The following SEMA5A variants were observed in gnomAD, a reference collection of about 807,000 sequenced individuals.
SEMA5A encodes the protein semaphorin 5A.
In SEMA5A, 55 loss-of-function variants were observed where a neutral mutation model predicts 135.5. The observed-to-expected ratio is 0.41, with a 90% confidence interval of 0.33 to 0.51. The LOEUF is 0.51. Ranked by LOEUF, SEMA5A falls within the 20% of genes least tolerant of loss-of-function variation. The pLI, the probability that SEMA5A is intolerant of heterozygous loss-of-function variation, is 0.37. For missense variants in SEMA5A, 1,290 were observed against 1,419.9 expected, an observed-to-expected ratio of 0.91 and a Z score of 1.47; for synonymous variants, 580 against 546.5, an observed-to-expected ratio of 1.06 and a Z score of -0.85.
intron 11 of SEMA5A, among the ~76,000 whole-genome samples, chr5:9,187,864 G>A (rs552725509): frequency 1.3e-5 from 2 of 152,346 alleles, no homozygotes; most frequent in Admixed American, 1.3e-4. Flanking sequence ...TGAGTCCTGA[G>A]CTACTCTCAA....
chr5:9,456,487 A>AG (rs397748603), intron 1 of SEMA5A, among the ~76,000 whole-genome samples: 31 of 147,786 alleles, frequency 2.1e-4, no homozygotes, highest in Non-Finnish European at 4.3e-4. Flanking sequence ...GTAGAAAAAA[A>AG]GGAAGGCTTC....
intron 2 of SEMA5A, among the ~76,000 whole-genome samples, chr5:9,381,942 T>TTGTGTGTGTGTG (rs148157627): frequency 0.12 from 12,845 of 108,276 alleles, 845 homozygotes; most frequent in Non-Finnish European, 0.15. Context: ...TAGAATCATT[T>TTGTGTGTGTGTG]TGTGTGTGTG....
intron 2 of SEMA5A, among the ~76,000 whole-genome samples, chr5:9,380,870 A>G (rs1359957748): frequency 6.6e-6 from 1 of 152,222 alleles, no homozygotes; most frequent in Non-Finnish European, 1.5e-5. Context: ...AGGGGCTCAA[A>G]TCTGAGTGTA....
At chr5:9,390,320 G>A (rs989726438) in intron 2 of SEMA5A, among the ~76,000 whole-genome samples, 1 of 152,176 alleles carries the variant, frequency 6.6e-6, no homozygotes, top group Non-Finnish European at 1.5e-5. Flanking sequence ...ATCACCAAAT[G>A]TATGAACCCT....
chr5:9,353,857 A>G (rs902881853), intron 3 of SEMA5A, among the ~76,000 whole-genome samples: 5 of 152,090 alleles, frequency 3.3e-5, no homozygotes, highest in Admixed American at 3.3e-4. Flanking sequence ...CCTATTAGTT[A>G]ATATTATCTA....
chr5:9,114,469 G>T (rs891610544), intron 15 of SEMA5A, among the ~76,000 whole-genome samples: 7 of 152,082 alleles, frequency 4.6e-5, no homozygotes, highest in African/African-American at 1.4e-4. Flanking sequence ...TTTTTTTTGT[G>T]TGTGTGTGTG....
intron 16 of SEMA5A, among the ~76,000 whole-genome samples, chr5:9,086,060 T>C (rs1738666943): frequency 6.6e-6 from 1 of 152,202 alleles, no homozygotes; most frequent in Non-Finnish European, 1.5e-5. Flanking sequence ...ATTTCTCCCA[T>C]TTGGAATGGC....
rs1259435155 is a variant in SEMA5A, at chr5:9,514,595, C to T, written c.-175+30989G>A. Among the ~76,000 whole-genome samples the T allele has an allele frequency of 5.9e-5, 9 of 152,198 alleles. 1 individual carries two copies. Among genetic ancestry groups the T allele is most frequent in the Non-Finnish European group, 4.4e-5 (3 of 68,036 alleles). ...TGTACTTTAAATTATCTCTAGATTA[C>T]TTACAATCCCTAATACAATATAAAT... On this transcript the variant is annotated intron_variant, in intron 1 of 22. Transcript: ENST00000382496.
chr5:9,182,724 C>T (rs903665253), intron 11 of SEMA5A, among the ~76,000 whole-genome samples: 9 of 151,194 alleles, frequency 6.0e-5, no homozygotes, highest in South Asian at 4.2e-4. Flanking sequence ...AGAATGCCTG[C>T]TTATTTTTAT....
At chr5:9,043,521 A>G (rs886434416) in intron 22 of SEMA5A, among the ~76,000 whole-genome samples, 2 of 152,206 alleles carry the variant, frequency 1.3e-5, no homozygotes, top group African/African-American at 4.8e-5. Context: ...ACTTATTAGA[A>G]GGTGATCACT....
chr5:9,200,447 T>C (rs376607711), intron 9 of SEMA5A, among the ~76,000 whole-genome samples: 1 of 152,242 alleles, frequency 6.6e-6, no homozygotes, highest in East Asian at 1.9e-4. Flanking sequence ...TGATGTCAAC[T>C]GAGCAAATGC....
Position 9,122,177 on chromosome 5 carries a change from A to G in SEMA5A, c.1781+479T>C, listed in dbSNP as rs376938089. Among the ~76,000 whole-genome samples, 3 of 152,196 alleles carry G rather than the reference A, an allele frequency of 2.0e-5. No individual in the cohort carries two copies. In the East Asian group the frequency reaches 5.8e-4, roughly 29 times the overall value. On this transcript the variant is annotated intron_variant, in intron 14 of 22. Transcript: ENST00000382496. Reference sequence around the variant, plus strand: ...GCGGAAGCAACAGGAAAGCTATTCAATAGGTTATCTTATTTAAACTGCTCT... The same window carrying G: ...GCGGAAGCAACAGGAAAGCTATTCAGTAGGTTATCTTATTTAAACTGCTCT...
intron 4 of SEMA5A, among the ~76,000 whole-genome samples, chr5:9,336,297 G>A (rs1323207459): frequency 6.6e-6 from 1 of 152,186 alleles, no homozygotes; most frequent in Non-Finnish European, 1.5e-5. Context: ...AAGTGGGAAT[G>A]CAGGGCAGAA....
At chr5:9,504,234 A>AC (rs1735751414) in intron 1 of SEMA5A, among the ~76,000 whole-genome samples, 4 of 151,502 alleles carry the variant, frequency 2.6e-5, no homozygotes, top group Non-Finnish European at 4.4e-5. Flanking sequence ...GAAAAAAAAA[A>AC]AAAAACAAAA....
intron 1 of SEMA5A, among the ~76,000 whole-genome samples, chr5:9,498,148 G>A (rs1735396491): frequency 6.6e-6 from 1 of 152,208 alleles, no homozygotes. Context: ...AGATGGCCAT[G>A]GGCCCAACCT....
At chr5:9,226,756 G>T (rs1747332496) in intron 7 of SEMA5A, 113 bp downstream of exon 7, 2 of 727,682 alleles carry the variant, frequency 2.7e-6, no homozygotes, top group South Asian at 3.7e-5. Flanking sequence ...AAGTGCTTTA[G>T]AATTGAACAG....
At chr5:9,512,451 T>C (rs1736261438) in intron 1 of SEMA5A, among the ~76,000 whole-genome samples, 1 of 152,200 alleles carries the variant, frequency 6.6e-6, no homozygotes, top group Non-Finnish European at 1.5e-5. Flanking sequence ...TAAAGTGATG[T>C]GGGTAGGAAG....
rs1434303788 is a variant in SEMA5A, at chr5:9,384,605, T to C, written c.-77-4582A>G. Among the ~76,000 whole-genome samples the C allele has an allele frequency of 1.4e-3, 176 of 127,584 alleles. 8 individuals are homozygous for C. Among genetic ancestry groups the C allele is most frequent in the African/African-American group, 5.1e-3 (170 of 33,076 alleles). The allele number at this position is 127,584 out of a possible 152,430, so 83.7% of individuals were successfully genotyped here. A position where few individuals can be genotyped will look rare whatever the true frequency, so the allele number is the denominator to read the frequency against. On this transcript the variant is annotated intron_variant, in intron 2 of 22. Transcript: ENST00000382496. Reference sequence around the variant, plus strand: ...ATAGATAGATAGATAGATAGATAGATAGATAGATAGATACATAGATAGATA... The same window carrying C: ...ATAGATAGATAGATAGATAGATAGACAGATAGATAGATACATAGATAGATA...
chr5:9,141,002 T>G (rs16882076), intron 12 of SEMA5A, among the ~76,000 whole-genome samples: 45,312 of 152,076 alleles, frequency 0.3, 6,856 homozygotes, highest in Non-Finnish European at 0.32. Context: ...TTCTGATGAT[T>G]CCAATGGTTC....
Sources: gnomAD v4.1 joint callset for allele counts (sites outside exome capture counted in the v4.1 genomes callset) on GRCh38, gnomAD v4.1.1 for gene constraint, MANE v1.5 for transcripts, NCBI Gene and HGNC (gene_info 2026-07-23, HGNC 2026-07-21) for gene names.